The following PLA2G4A variants were observed in gnomAD, a reference collection of about 807,000 sequenced individuals.
PLA2G4A encodes the protein phospholipase A2 group IVA, also known as cytosolic phospholipase A2.
Under a neutral mutation model 81.9 loss-of-function variants are expected in PLA2G4A, and 40 were observed. The observed-to-expected ratio is 0.49, with a 90% CI of 0.38 to 0.64. PLA2G4A has a LOEUF of 0.64. PLA2G4A is among the 30% of genes least tolerant of loss of function. PLA2G4A has a pLI of 0.00. For synonymous variants in PLA2G4A, 302 were observed against 296.9 expected, an observed-to-expected ratio of 1.02 and a Z score of -0.18; for missense variants, 715 against 905.1, an observed-to-expected ratio of 0.79 and a Z score of 2.69.
rs55745208 is a variant in PLA2G4A at position 186,830,608 on chromosome 1, C to CAAAAAAAAAAAAAAAAAAAAA, written c.-70+1577_-70+1597dup. On this transcript the variant is annotated intron_variant, in intron 1 of 17. Transcript: ENST00000367466. ...GAGCGAAAACAGCGAAGCTCTGTCT[C>CAAAAAAAAAAAAAAAAAAAAA]AAAAAAAAAAAAAAAAAAAAAAAAG... is the stretch of plus-strand genomic sequence containing the variant. Among the ~76,000 whole-genome samples, 24 of 72,686 alleles carry CAAAAAAAAAAAAAAAAAAAAA rather than the reference C, an allele frequency of 3.3e-4. 1 individual carries two copies. Among genetic ancestry groups the CAAAAAAAAAAAAAAAAAAAAA allele is most frequent in the African/African-American group, 9.7e-4 (18 of 18,600 alleles). The allele number at this position is 72,686 out of a possible 152,430, so 47.7% of individuals were successfully genotyped here. A position where few individuals can be genotyped will look rare whatever the true frequency, so the allele number is the denominator to read the frequency against.
intron 3 of PLA2G4A, among the ~76,000 whole-genome samples, chr1:186,886,528 C>T (rs1339250196): frequency 2.6e-5 from 4 of 152,118 alleles, no homozygotes; most frequent in Non-Finnish European, 5.9e-5. Flanking sequence ...AAGGAATGAC[C>T]ACATCTGAGA....
At position 186,956,174 on chromosome 1, in the gene PLA2G4A, T is replaced by G; in HGVS notation, c.1409T>G (p.Met470Arg). Reference sequence around the variant, plus strand: ...GCAAGTTGGATTCATCGTATGATAATGGCCTTGGTGAGTGATTCAGCTTTA... The same window carrying G: ...GCAAGTTGGATTCATCGTATGATAAGGGCCTTGGTGAGTGATTCAGCTTTA... ...NQASWIHRMIMALVSDSALFN... is the reference protein window; with the variant it reads ...NQASWIHRMIRALVSDSALFN... The change falls in exon 14 of 18, where the codon ATG becomes AGG. Residue 470 changes from methionine to arginine, a missense_variant. Met to Arg is a moderately conservative substitution (Grantham distance 91, BLOSUM62 -1). Transcript: ENST00000367466. 6.2e-7 allele frequency: 1 copy of G among 1,613,704 alleles called. No individual in the cohort carries two copies. Among genetic ancestry groups the G allele is most frequent in the South Asian group, 1.1e-5 (1 of 91,074 alleles).
intron 5 of PLA2G4A, among the ~76,000 whole-genome samples, chr1:186,906,619 A>C (rs1437488289): frequency 6.6e-6 from 1 of 152,236 alleles, no homozygotes; most frequent in Non-Finnish European, 1.5e-5. Context: ...TAATAGACAC[A>C]ACATCTCAGT....
At chr1:186,936,808 T>G (rs1413677428) in intron 8 of PLA2G4A, among the ~76,000 whole-genome samples, 1 of 151,994 alleles carries the variant, frequency 6.6e-6, no homozygotes, top group Admixed American at 6.6e-5. Flanking sequence ...AGGTGTCTTA[T>G]CATATAAATA....
intron 6 of PLA2G4A, 134 bp downstream of exon 6, chr1:186,907,136 T>A: frequency 1.6e-6 from 1 of 614,440 alleles, no homozygotes; most frequent in Non-Finnish European, 2.9e-6. Flanking sequence ...ACTTTGCTTT[T>A]CTTTAGTTGT....
Position 186,927,255 on chromosome 1 carries a change from C to T in PLA2G4A, c.559-5508C>T, listed in dbSNP as rs12720577. ...CTGGAATTCAAATCTGATAAGCAAACTTGCTGTTAGAACAGTGTCTCTAAT... is the reference window on the plus strand; with the variant it reads ...CTGGAATTCAAATCTGATAAGCAAATTTGCTGTTAGAACAGTGTCTCTAAT... On this transcript the variant is annotated intron_variant, in intron 7 of 17. Transcript: ENST00000367466. Among the ~76,000 whole-genome samples, 418 of 152,270 alleles carry T rather than the reference C, an allele frequency of 2.7e-3. 2 individuals are homozygous for T. Among genetic ancestry groups the T allele is most frequent in the Middle Eastern group, 0.014 (4 of 294 alleles).
At chr1:186,978,265 G>A (rs763875619) in intron 16 of PLA2G4A, among the ~76,000 whole-genome samples, 1 of 151,716 alleles carries the variant, frequency 6.6e-6, no homozygotes, top group African/African-American at 2.4e-5. Flanking sequence ...AGTCTTTTTT[G>A]TTTTGTTTTA....
chr1:186,918,720 T>TG (rs1488234181), intron 7 of PLA2G4A, among the ~76,000 whole-genome samples: 6 of 152,236 alleles, frequency 3.9e-5, no homozygotes, highest in Admixed American at 3.9e-4. Context: ...TCTCTGATAC[T>TG]GGGAGCAGGG....
chr1:186,862,544 C>A (rs1226762637), intron 2 of PLA2G4A, among the ~76,000 whole-genome samples: 1 of 151,942 alleles, frequency 6.6e-6, no homozygotes, highest in Non-Finnish European at 1.5e-5. Flanking sequence ...ATGAAAAGAA[C>A]AAGTAAAGCA....
intron 8 of PLA2G4A, among the ~76,000 whole-genome samples, chr1:186,938,530 G>A (rs115458222): frequency 6.6e-6 from 1 of 152,062 alleles, no homozygotes; most frequent in African/African-American, 2.4e-5. Flanking sequence ...GGAGAAAAAA[G>A]GATTTTTCAA....
At chr1:186,892,245 C>T (rs1481914260) in intron 3 of PLA2G4A, among the ~76,000 whole-genome samples, 1 of 151,824 alleles carries the variant, frequency 6.6e-6, no homozygotes, top group African/African-American at 2.4e-5. Flanking sequence ...TGGGTTGTCT[C>T]TTCATTTTGT....
chr1:186,988,920 T>G lies in PLA2G4A; in HGVS notation c.*412T>G. ...ATTTATTCATACCATGAGACAACAC[T>G]ATTTTTATTTATATATGCATATATA... On this transcript the variant is annotated 3_prime_UTR_variant, in exon 18 of 18. Coordinates refer to ENST00000367466, the MANE Select transcript of PLA2G4A (RefSeq NM_024420.3). 1 of 164,116 alleles carries G rather than the reference T, an allele frequency of 6.1e-6. No homozygotes were observed. The highest frequency in any genetic ancestry group is 5.9e-5 in the Admixed American group (1 of 17,038). 10.2% of individuals were successfully genotyped at this position (164,116 alleles called of 1,614,324 possible). A position where few individuals can be genotyped will look rare whatever the true frequency, so the allele number is the denominator to read the frequency against.
intron 7 of PLA2G4A, among the ~76,000 whole-genome samples, chr1:186,913,633 A>C (rs1655041274): frequency 6.6e-6 from 1 of 150,828 alleles, no homozygotes. Context: ...TATTTTCATA[A>C]AAATAATATT....
chr1:186,890,059 T>C (rs1654080793), intron 3 of PLA2G4A, among the ~76,000 whole-genome samples: 1 of 152,196 alleles, frequency 6.6e-6, no homozygotes, highest in Non-Finnish European at 1.5e-5. Context: ...ATAGCGCGAT[T>C]GTGAGATTTA....
chr1:186,950,754 C>T (rs367884652), intron 13 of PLA2G4A, 26 bp downstream of exon 13: 2 of 1,321,914 alleles, frequency 1.5e-6, no homozygotes, highest in Non-Finnish European at 2.2e-6. Context: ...ACTTTTCTGG[C>T]CCAGATCCAT....
chr1:186,883,276 A>G (rs1046290195), intron 3 of PLA2G4A, among the ~76,000 whole-genome samples: 1 of 152,128 alleles, frequency 6.6e-6, no homozygotes, highest in Non-Finnish European at 1.5e-5. Flanking sequence ...AAAATATATT[A>G]CTTAAGAATA....
chr1:186,893,283 G>A lies in PLA2G4A; in HGVS notation c.264+124G>A, dbSNP rs1654211145. ...AGTTGGAGTTAGACTGGGCAGCTTGGTAGACTAGAATCTAAATGGTGTCTG... is the reference window on the plus strand; with the variant it reads ...AGTTGGAGTTAGACTGGGCAGCTTGATAGACTAGAATCTAAATGGTGTCTG... On this transcript the variant is annotated intron_variant, in intron 4 of 17. Coordinates refer to ENST00000367466, the MANE Select transcript of PLA2G4A (RefSeq NM_024420.3). 7 of 830,044 alleles carry A rather than the reference G, an allele frequency of 8.4e-6. No homozygotes were observed. In the South Asian group the frequency reaches 9.3e-5, roughly 11 times the overall value. 51.4% of individuals were successfully genotyped at this position (830,044 alleles called of 1,614,324 possible). A position where few individuals can be genotyped will look rare whatever the true frequency, so the allele number is the denominator to read the frequency against.
chr1:186,858,645 C>A (rs1299607152), intron 2 of PLA2G4A, among the ~76,000 whole-genome samples: 2 of 151,958 alleles, frequency 1.3e-5, no homozygotes, highest in East Asian at 1.9e-4. Context: ...GCACTGGGAC[C>A]TTTTCTTGAA....
chr1:186,934,525 GATTA>G (rs1655872969), intron 8 of PLA2G4A, among the ~76,000 whole-genome samples: 6 of 146,624 alleles, frequency 4.1e-5, no homozygotes, highest in South Asian at 4.3e-4. Context: ...TATACAGAGA[GATTA>G]ATTAAAAGGA....
Sources: gnomAD v4.1 joint callset for allele counts (sites outside exome capture counted in the v4.1 genomes callset) on GRCh38, gnomAD v4.1.1 for gene constraint, MANE v1.5 for transcripts, NCBI Gene and HGNC (gene_info 2026-07-23, HGNC 2026-07-21) for gene names.